The following TMEM117 variants were observed in gnomAD, a reference collection of about 807,000 sequenced individuals.
The protein encoded by TMEM117 is transmembrane protein 117.
Under a neutral mutation model 52.4 loss-of-function variants are expected in TMEM117, and 27 were observed. The observed-to-expected ratio is 0.51, with a 90% CI of 0.38 to 0.71. TMEM117 has a LOEUF of 0.71. Among genes scored for constraint, TMEM117 ranks in the 30% least tolerant of loss-of-function variants. TMEM117 has a pLI of 0.00. For missense variants in TMEM117, 556 were observed against 630.5 expected (o/e 0.88, Z 1.26); for synonymous variants, 215 against 206.3 (o/e 1.04, Z -0.36).
At chr12:44,284,079 C>G (rs1950609467) in intron 5 of TMEM117, among the ~76,000 whole-genome samples, 1 of 152,160 alleles carries the variant, frequency 6.6e-6, no homozygotes, top group Non-Finnish European at 1.5e-5. Context: ...CTTTGGGAGG[C>G]TGACGCGGGC....
At chr12:44,055,978 A>C (rs78683771) in intron 3 of TMEM117, among the ~76,000 whole-genome samples, 6,392 of 152,232 alleles carry the variant, frequency 0.042, 184 homozygotes, top group South Asian at 0.082. Context: ...GTTATATCTA[A>C]GTTTGTAGCA....
intron 3 of TMEM117, among the ~76,000 whole-genome samples, chr12:44,015,518 G>T (rs1027591530): frequency 6.6e-6 from 1 of 152,052 alleles, no homozygotes; most frequent in Non-Finnish European, 1.5e-5. Flanking sequence ...GTTGAAATGA[G>T]AATTAAAATC....
chr12:43,981,602 G>A (rs1410696912), intron 3 of TMEM117, among the ~76,000 whole-genome samples: 2 of 152,186 alleles, frequency 1.3e-5, no homozygotes, highest in Admixed American at 1.3e-4. Flanking sequence ...TTTCTGCTTT[G>A]AGTGATTGGT....
At position 44,328,536 on chromosome 12, in the gene TMEM117, A is replaced by G. The variant is rs377221006; in HGVS notation, c.768+28797A>G. Among the ~76,000 whole-genome samples the G allele has an allele frequency of 1.2e-3, 177 of 152,268 alleles. 1 individual carries two copies. The highest frequency in any genetic ancestry group is 3.4e-3 in the African/African-American group (141 of 41,576). On this transcript the variant is annotated intron_variant, in intron 6 of 7. Coordinates refer to ENST00000266534, the MANE Select transcript of TMEM117 (RefSeq NM_032256.3). ...CAGCTACTTTTAGAAAATTAGTGTC[A>G]CGGATCAGCCACAGCAGCAAATTCT...
intron 2 of TMEM117, among the ~76,000 whole-genome samples, chr12:43,886,583 T>C (rs1446958923): frequency 6.6e-6 from 1 of 152,088 alleles, no homozygotes; most frequent in South Asian, 2.1e-4. Context: ...GAGGGGGACA[T>C]AGGTTTGAGA....
At chr12:44,166,550 C>A (rs1186103140) in intron 4 of TMEM117, among the ~76,000 whole-genome samples, 1 of 152,142 alleles carries the variant, frequency 6.6e-6, no homozygotes, top group Non-Finnish European at 1.5e-5. Context: ...TTTGAAATTT[C>A]ACATCAAGTT....
chr12:43,980,159 C>T (rs1455818244), intron 3 of TMEM117, among the ~76,000 whole-genome samples: 1 of 152,134 alleles, frequency 6.6e-6, no homozygotes, highest in African/African-American at 2.4e-5. Context: ...GCAAAACCTG[C>T]ATTTCCTCTT....
At chr12:44,220,014 C>G (rs1021073704) in intron 5 of TMEM117, among the ~76,000 whole-genome samples, 1 of 152,140 alleles carries the variant, frequency 6.6e-6, no homozygotes, top group East Asian at 1.9e-4. Context: ...TTTTAGCATG[C>G]TCATTCCATA....
chr12:44,229,838 G>A (rs1368132471), intron 5 of TMEM117, among the ~76,000 whole-genome samples: 2 of 152,076 alleles, frequency 1.3e-5, no homozygotes, highest in Non-Finnish European at 2.9e-5. Flanking sequence ...GGGGAAAAAT[G>A]TTTCTCTTTA....
At chr12:43,810,531 A>G in the TMEM117 span, among the ~76,000 whole-genome samples, 2 of 152,296 alleles carry the variant, frequency 1.3e-5, no homozygotes, top group East Asian at 1.9e-4. Context: ...GGAATCTGCA[A>G]TCTGGTGGGA....
the TMEM117 span, among the ~76,000 whole-genome samples, chr12:43,814,738 C>CTTTT: frequency 1.1e-4 from 12 of 107,642 alleles, no homozygotes; most frequent in African/African-American, 1.8e-4. Flanking sequence ...GGGTTTGAAT[C>CTTTT]TTTTTTTTTT....
At chr12:44,095,946 A>G (rs957050268) in intron 3 of TMEM117, among the ~76,000 whole-genome samples, 3 of 152,194 alleles carry the variant, frequency 2.0e-5, no homozygotes, top group African/African-American at 2.4e-5. Context: ...TGTAGACGAC[A>G]TGATTGTATA....
intron 3 of TMEM117, among the ~76,000 whole-genome samples, chr12:43,949,934 C>A (rs1945193111): frequency 6.6e-6 from 1 of 152,172 alleles, no homozygotes; most frequent in Non-Finnish European, 1.5e-5. Flanking sequence ...TCTCTTCTCC[C>A]AGTTTCAGGT....
chr12:44,365,139 C>T (rs1951772800), intron 6 of TMEM117, among the ~76,000 whole-genome samples: 1 of 151,918 alleles, frequency 6.6e-6, no homozygotes, highest in Admixed American at 6.6e-5. Flanking sequence ...TCTAAGATGG[C>T]CATAAACCAT....
At chr12:44,289,751 A>G (rs1488210206) in intron 5 of TMEM117, among the ~76,000 whole-genome samples, 1 of 151,734 alleles carries the variant, frequency 6.6e-6, no homozygotes, top group Non-Finnish European at 1.5e-5. Context: ...ACAGGGTTTC[A>G]CTATGTTGGC....
At chr12:44,314,776 A>G (rs1202005099) in intron 6 of TMEM117, among the ~76,000 whole-genome samples, 1 of 152,076 alleles carries the variant, frequency 6.6e-6, no homozygotes, top group African/African-American at 2.4e-5. Flanking sequence ...GCTTCATAGT[A>G]TGAGTTAGGC....
At chr12:44,180,664 C>G (rs1949183666) in intron 4 of TMEM117, among the ~76,000 whole-genome samples, 1 of 151,938 alleles carries the variant, frequency 6.6e-6, no homozygotes, top group Admixed American at 6.6e-5. Flanking sequence ...TCACCCATGT[C>G]CCTACAAAGG....
intron 1 of TMEM117, among the ~76,000 whole-genome samples, chr12:43,838,536 A>ATTTTTTTTTTTTTTT (rs1565712907): frequency 7.4e-6 from 1 of 134,298 alleles, no homozygotes; most frequent in African/African-American, 3.0e-5. Flanking sequence ...GGAGTCTTCC[A>ATTTTTTTTTTTTTTT]GTTTTTTTTT....
intron 6 of TMEM117, among the ~76,000 whole-genome samples, chr12:44,314,824 A>G (rs974277031): frequency 3.3e-5 from 5 of 152,194 alleles, no homozygotes. Context: ...AATAGTTTCA[A>G]TAGAATTAGT....
Sources: gnomAD v4.1 joint callset for allele counts (sites outside exome capture counted in the v4.1 genomes callset) on GRCh38, gnomAD v4.1.1 for gene constraint, MANE v1.5 for transcripts, NCBI Gene and HGNC (gene_info 2026-07-23, HGNC 2026-07-21) for gene names.